Variants in MMP16 observed in about 807,000 individuals in gnomAD.
MMP16 encodes the protein matrix metalloproteinase-16.
In MMP16, 12 loss-of-function variants were observed where a neutral mutation model predicts 67.8. The observed-to-expected ratio is 0.18, with a 90% CI of 0.11 to 0.29. The LOEUF is 0.29. Among genes scored for constraint, MMP16 ranks in the 10% least tolerant of loss-of-function variants. The pLI is 1.00. For missense variants in MMP16, 475 were observed against 765.7 expected (o/e 0.62, Z 4.48); for synonymous variants, 249 against 255.9 (o/e 0.97, Z 0.26).
At chr8:88,149,110 G>A (rs1329827448) in intron 4 of MMP16, among the ~76,000 whole-genome samples, 1 of 152,316 alleles carries the variant, frequency 6.6e-6, no homozygotes, top group East Asian at 1.9e-4. Flanking sequence ...GGACGCACCT[G>A]GAAAATCGGG....
chr8:88,304,332 A>G (rs905545405), intron 1 of MMP16, among the ~76,000 whole-genome samples: 1 of 152,130 alleles, frequency 6.6e-6, no homozygotes, highest in Non-Finnish European at 1.5e-5. Context: ...TGGTATATAT[A>G]AAAGAGAGGT....
At chr8:88,194,056 T>C (rs1809212720) in intron 2 of MMP16, among the ~76,000 whole-genome samples, 2 of 151,992 alleles carry the variant, frequency 1.3e-5, no homozygotes, top group Non-Finnish European at 2.9e-5. Flanking sequence ...TCTAATACCA[T>C]TGTTAATTAA....
chr8:88,191,340 A>G (rs1809166186), intron 2 of MMP16, among the ~76,000 whole-genome samples: 1 of 152,196 alleles, frequency 6.6e-6, no homozygotes, highest in Non-Finnish European at 1.5e-5. Context: ...ATTGTGAAGA[A>G]TGAATTAGTT....
intron 1 of MMP16, among the ~76,000 whole-genome samples, chr8:88,291,135 G>A (rs766867471): frequency 4.6e-5 from 7 of 151,878 alleles, no homozygotes; most frequent in Non-Finnish European, 8.8e-5. Context: ...TTTAAAGTTA[G>A]CCAGATATGA....
At chr8:88,147,458 C>T (rs1458500117) in intron 4 of MMP16, among the ~76,000 whole-genome samples, 2 of 151,836 alleles carry the variant, frequency 1.3e-5, no homozygotes, top group African/African-American at 2.4e-5. Flanking sequence ...AATATTATTT[C>T]ATCTAAGTTT....
At chr8:88,244,594 T>C (rs1410173888) in intron 1 of MMP16, among the ~76,000 whole-genome samples, 2 of 152,172 alleles carry the variant, frequency 1.3e-5, no homozygotes, top group South Asian at 2.1e-4. Flanking sequence ...ATTAACTGAA[T>C]TGATCCTGAT....
intron 1 of MMP16, among the ~76,000 whole-genome samples, chr8:88,265,377 A>G (rs140436941): frequency 6.6e-6 from 1 of 152,198 alleles, no homozygotes; most frequent in African/African-American, 2.4e-5. Flanking sequence ...TCAATATACT[A>G]TGAAAGCTAA....
In MMP16 at chr8:88,056,309, A is replaced by C. The variant is rs374890284; in HGVS notation, c.1223-31T>G. On this transcript the variant is annotated intron_variant, in intron 7 of 9. Transcript: ENST00000286614. ...TGGAATAAGTGTAAATGTAGAATATATTAATTTAATGTCATAATTAGAATA... is the reference window on the plus strand; with the variant it reads ...TGGAATAAGTGTAAATGTAGAATATCTTAATTTAATGTCATAATTAGAATA... 2.3e-5 allele frequency: 28 copies of C among 1,241,276 alleles called. No homozygotes were observed. The African/African-American group carries it at 4.2e-4, about 19-fold the overall frequency. The allele number at this position is 1,241,276 out of a possible 1,614,324, so 76.9% of individuals were successfully genotyped here.
chr8:88,237,657 GAAC>G (rs202098880), intron 1 of MMP16, among the ~76,000 whole-genome samples: 4 of 88,344 alleles, frequency 4.5e-5, no homozygotes, highest in African/African-American at 1.3e-4. Context: ...TCAAAAAACA[GAAC>G]AACAACAACA....
At chr8:88,154,677 T>G (rs1170913397) in intron 4 of MMP16, among the ~76,000 whole-genome samples, 5 of 139,322 alleles carry the variant, frequency 3.6e-5, no homozygotes, top group South Asian at 4.7e-4. Flanking sequence ...TGAGATCACA[T>G]GGACACATGA....
chr8:88,240,810 G>T (rs1045135838), intron 1 of MMP16, among the ~76,000 whole-genome samples: 3 of 151,988 alleles, frequency 2.0e-5, no homozygotes, highest in Admixed American at 2.0e-4. Flanking sequence ...ATTCATGCAT[G>T]CTTTCTATTT....
chr8:88,158,090 G>A (rs1808545840), intron 4 of MMP16, among the ~76,000 whole-genome samples: 1 of 152,058 alleles, frequency 6.6e-6, no homozygotes, highest in Non-Finnish European at 1.5e-5. Context: ...ATTTGGGTTG[G>A]TTCCAAGTCT....
At chr8:88,092,535 T>C (rs1808955392) in intron 6 of MMP16, among the ~76,000 whole-genome samples, 1 of 151,830 alleles carries the variant, frequency 6.6e-6, no homozygotes, top group Non-Finnish European at 1.5e-5. Context: ...TTCTCCCAAA[T>C]AAAGCTCACC....
At chr8:88,131,574 C>A (rs1808030830) in intron 4 of MMP16, among the ~76,000 whole-genome samples, 1 of 151,716 alleles carries the variant, frequency 6.6e-6, no homozygotes, top group Non-Finnish European at 1.5e-5. Context: ...CATCCTATAC[C>A]ATATTAATGG....
In MMP16 at chr8:88,056,273, T is replaced by C; in HGVS notation, c.1228A>G (p.Lys410Glu). 1 of 1,544,260 alleles carries C rather than the reference T, an allele frequency of 6.5e-7. No homozygotes were observed. Among genetic ancestry groups the C allele is most frequent in the Non-Finnish European group, 8.8e-7 (1 of 1,137,750 alleles). Residue 410 changes from lysine (K) to glutamate (E), a missense_variant, in exon 8 of 10, where the codon AAA becomes GAA. Transcript: ENST00000286614. ...DGNFVFFKGNKYWVFKDTTLQ... is the reference protein window; with the variant it reads ...DGNFVFFKGNEYWVFKDTTLQ... ...GTTGTATCCTTGAACACCCAATATT[T>C]GTTACCTGTATGGAATAAGTGTAAA...
At chr8:88,087,134 T>G (rs1384057469) in intron 6 of MMP16, among the ~76,000 whole-genome samples, 1 of 151,870 alleles carries the variant, frequency 6.6e-6, no homozygotes, top group African/African-American at 2.4e-5. Context: ...AGTCCTAAAC[T>G]GGCCTATAGT....
chr8:88,230,476 CAT>C (rs1809840255), intron 1 of MMP16, among the ~76,000 whole-genome samples: 2 of 151,050 alleles, frequency 1.3e-5, no homozygotes, highest in Non-Finnish European at 2.9e-5. Context: ...GTACAGATAA[CAT>C]AGACTGAGGT....
intron 1 of MMP16, among the ~76,000 whole-genome samples, chr8:88,203,816 C>T (rs188871102): frequency 2.0e-5 from 3 of 152,134 alleles, no homozygotes; most frequent in East Asian, 1.9e-4. Flanking sequence ...TTTTCTTTTA[C>T]GAAAAGACAA....
At chr8:88,169,323 A>C (rs1808763942) in intron 3 of MMP16, among the ~76,000 whole-genome samples, 1 of 152,178 alleles carries the variant, frequency 6.6e-6, no homozygotes, top group South Asian at 2.1e-4. Context: ...TAAACTAATA[A>C]TAGTATTAAT....
Sources: gnomAD v4.1 joint callset for allele counts (sites outside exome capture counted in the v4.1 genomes callset) on GRCh38, gnomAD v4.1.1 for gene constraint, MANE v1.5 for transcripts, NCBI Gene and HGNC (gene_info 2026-07-23, HGNC 2026-07-21) for gene names.